Variants in IFT122 observed in about 807,000 individuals in gnomAD.
IFT122 encodes the protein intraflagellar transport 122, also known as intraflagellar transport protein 122 homolog.
IFT122 carries 118 observed loss-of-function variants against 161.6 expected under a neutral mutation model. The ratio of observed to expected loss-of-function variants is 0.73; its 90% CI spans 0.63 to 0.85. IFT122 has a LOEUF of 0.85. Ranked by LOEUF, IFT122 falls within the 40% of genes least tolerant of loss-of-function variation. The pLI is 0.00. For synonymous variants in IFT122, 550 were observed against 602.4 expected (o/e 0.91, Z 1.27); for missense variants, 1,381 against 1,579.6 (o/e 0.87, Z 2.13).
At chr3:129,446,398 G>A (rs1297633796) in intron 1 of IFT122, among the ~76,000 whole-genome samples, 1 of 151,784 alleles carries the variant, frequency 6.6e-6, no homozygotes, top group Non-Finnish European at 1.5e-5. Context: ...CTAATTTTTT[G>A]TAGAGACGGG....
At position 129,520,356 on chromosome 3, in the gene IFT122, T is replaced by G. The variant is rs1372863132; in HGVS notation, c.*91T>G. On this transcript the variant is annotated 3_prime_UTR_variant, in exon 30 of 30. Coordinates refer to ENST00000348417, the MANE Select transcript of IFT122 (RefSeq NM_052989.3). ...TAAAGAGTTAAACTGTCAGAATGTGTTTCTTGCCCAGATGAAGTTTGTGTT... is the reference window on the plus strand; with the variant it reads ...TAAAGAGTTAAACTGTCAGAATGTGGTTCTTGCCCAGATGAAGTTTGTGTT... The G allele has an allele frequency of 2.9e-6, 3 of 1,035,800 alleles. No individual in the cohort carries two copies. The highest frequency in any genetic ancestry group is 4.4e-6 in the Non-Finnish European group (3 of 688,570). 64.2% of individuals were successfully genotyped at this position (1,035,800 alleles called of 1,614,324 possible).
Position 129,448,163 on chromosome 3 carries a change from C to T in IFT122, c.42-1708C>T, listed in dbSNP as rs568575935. On this transcript the variant is annotated intron_variant, in intron 1 of 29. Transcript: ENST00000348417. Reference sequence around the variant, plus strand: ...TTGAATTAAAATGCTGTTGAAGCGGCGTCATTGTCTGGGGTAAATATCCGA... The same window carrying T: ...TTGAATTAAAATGCTGTTGAAGCGGTGTCATTGTCTGGGGTAAATATCCGA... Among the ~76,000 whole-genome samples the T allele has an allele frequency of 1.2e-4, 18 of 152,208 alleles. No homozygotes were observed. The East Asian group carries it at 3.3e-3, about 28-fold the overall frequency.
At chr3:129,469,798 A>T (rs2077175111) in intron 9 of IFT122, among the ~76,000 whole-genome samples, 1 of 152,190 alleles carries the variant, frequency 6.6e-6, no homozygotes, top group African/African-American at 2.4e-5. Context: ...TCATTCAACC[A>T]GTATTTATGA....
At chr3:129,514,144 GC>G (rs760457508) in intron 24 of IFT122, 267 of 612,132 alleles carry the variant, frequency 4.4e-4, no homozygotes, top group Non-Finnish European at 7.4e-4. Flanking sequence ...GCCCAGAGAT[GC>G]TAAGCAAGGT....
At chr3:129,472,366 T>C (rs1393026132) in intron 9 of IFT122, among the ~76,000 whole-genome samples, 2 of 152,012 alleles carry the variant, frequency 1.3e-5, no homozygotes, top group Non-Finnish European at 2.9e-5. Context: ...GGGTCTCCTA[T>C]GTTGTCCAGG....
rs533088112 is a variant in IFT122 at position 129,464,550 on chromosome 3, T to G, written c.417-85T>G. On this transcript the variant is annotated intron_variant, in intron 6 of 29. Transcript: ENST00000348417. ...GTTGCTGCCTCATCAGACTTTTATT[T>G]CAAACCAAGGCATCATCCTCACTAG... is the stretch of plus-strand genomic sequence containing the variant. 3.1e-5 allele frequency: 48 copies of G among 1,547,810 alleles called. No individual in the cohort carries two copies. In the South Asian group the frequency reaches 5.0e-4, roughly 16 times the overall value.
chr3:129,469,267 T>A, intron 8 of IFT122, 75 bp from the exon 9 acceptor site: 1 of 1,286,778 alleles, frequency 7.8e-7, no homozygotes, highest in Non-Finnish European at 1.1e-6. Flanking sequence ...CTTGTTCCTG[T>A]TGTTTAAGCC....
At chr3:129,459,034 C>G (rs558166657) in intron 4 of IFT122, among the ~76,000 whole-genome samples, 23 of 152,298 alleles carry the variant, frequency 1.5e-4, no homozygotes, top group African/African-American at 5.3e-4. Flanking sequence ...GGTCAGTGTG[C>G]TCCAGGCCTC....
At position 129,514,545 on chromosome 3, in the gene IFT122, C is replaced by T. The variant is rs777717739; in HGVS notation, c.3144C>T (p.His1048=). 55 of 1,614,094 alleles carry T rather than the reference C, an allele frequency of 3.4e-5. No homozygotes were observed. The highest frequency in any genetic ancestry group is 2.0e-4 in the Admixed American group (12 of 60,006). ...TGACCATCCGCGCCAAGCCCTTCCA[C>T]GACAGTGAGGTGAGGATGCAGCACC... ...GTLTIRAKPF[H]DSEELVPLCY... is the part of the protein sequence containing the mutation. Residue 1048 remains histidine, a synonymous_variant, in exon 25 of 30, where the codon CAC becomes CAT. Coordinates refer to ENST00000348417, the MANE Select transcript of IFT122 (RefSeq NM_052989.3).
intron 17 of IFT122, among the ~76,000 whole-genome samples, chr3:129,494,920 A>G (rs1322010104): frequency 6.6e-6 from 1 of 152,194 alleles, no homozygotes; most frequent in Non-Finnish European, 1.5e-5. Flanking sequence ...TATAAAGTAT[A>G]TACCCAGAAC....
chr3:129,479,777 CTTCCT>C lies in IFT122; in HGVS notation c.1351-7_1351-3del. On this transcript the variant is annotated splice_region_variant and splice_polypyrimidine_tract_variant and intron_variant, in intron 12 of 29. Coordinates refer to ENST00000348417, the MANE Select transcript of IFT122 (RefSeq NM_052989.3). ...GAATTTCCATGCAGAGCTGGGTTTG[CTTCCT>C]AGGAGAAACGGCTGCAGTGCCTGTC... The C allele has an allele frequency of 6.2e-7, 1 of 1,613,888 alleles. No individual in the cohort carries two copies. The highest frequency in any genetic ancestry group is 1.7e-5 in the Admixed American group (1 of 60,018).
intron 15 of IFT122, among the ~76,000 whole-genome samples, chr3:129,484,864 C>T (rs2079091378): frequency 6.6e-6 from 1 of 152,218 alleles, no homozygotes; most frequent in African/African-American, 2.4e-5. Context: ...TGCCTAGTTT[C>T]CCCCAACGGT....
At chr3:129,452,564 AG>A (rs2074976446) in intron 3 of IFT122, among the ~76,000 whole-genome samples, 2 of 152,148 alleles carry the variant, frequency 1.3e-5, no homozygotes, top group South Asian at 4.1e-4. Flanking sequence ...TTGCAGAGGA[AG>A]AGCCATTGCA....
chr3:129,499,872 A>G (rs2081330448), intron 18 of IFT122, 30 bp from the exon 19 acceptor site: 37 of 1,613,296 alleles, frequency 2.3e-5, no homozygotes, highest in Non-Finnish European at 3.1e-5. Context: ...GTTCTGATCC[A>G]GAGTGTTTTT....
chr3:129,441,335 G>A (rs751077606), intron 1 of IFT122, among the ~76,000 whole-genome samples: 1 of 152,086 alleles, frequency 6.6e-6, no homozygotes, highest in Non-Finnish European at 1.5e-5. Context: ...ATCCTTCAAG[G>A]CTCACGTTGG....
chr3:129,512,253 C>A, intron 23 of IFT122, 59 bp from the exon 24 acceptor site: 1 of 1,222,130 alleles, frequency 8.2e-7, no homozygotes, highest in Non-Finnish European at 1.2e-6. Flanking sequence ...TGCCTTTTGG[C>A]CTGGCCCAGC....
At chr3:129,495,911 G>A (rs2080783296) in intron 18 of IFT122, among the ~76,000 whole-genome samples, 1 of 152,208 alleles carries the variant, frequency 6.6e-6, no homozygotes, top group Non-Finnish European at 1.5e-5. Flanking sequence ...GAGGGCTCAG[G>A]GCTTCAGGGC....
At chr3:129,497,175 G>A (rs1052592055) in intron 18 of IFT122, among the ~76,000 whole-genome samples, 1 of 152,200 alleles carries the variant, frequency 6.6e-6, no homozygotes, top group African/African-American at 2.4e-5. Context: ...GGCTAAGGTG[G>A]AAAGATTGCT....
intron 6 of IFT122, 47 bp downstream of exon 6, chr3:129,463,673 A>G (rs1433911164): frequency 2.1e-6 from 3 of 1,455,114 alleles, no homozygotes; most frequent in Non-Finnish European, 1.9e-6. Context: ...CATCTTCCAC[A>G]CAGACTCTCA....
Sources: gnomAD v4.1 joint callset for allele counts (sites outside exome capture counted in the v4.1 genomes callset) on GRCh38, gnomAD v4.1.1 for gene constraint, MANE v1.5 for transcripts, NCBI Gene and HGNC (gene_info 2026-07-23, HGNC 2026-07-21) for gene names.